The following SLC25A25 variants were observed in gnomAD, a reference collection of about 807,000 sequenced individuals.
SLC25A25 encodes mitochondrial adenyl nucleotide antiporter SLC25A25.
SLC25A25 carries 32 observed loss-of-function variants against 57.7 expected under a neutral mutation model. That is an observed-to-expected ratio of 0.55 (90% CI 0.42 to 0.74). The LOEUF is 0.74. Ranked by LOEUF, SLC25A25 falls within the 30% of genes least tolerant of loss-of-function variation. SLC25A25 has a pLI of 0.00. For synonymous variants in SLC25A25, 306 were observed against 291.2 expected (o/e 1.05, Z -0.52); for missense variants, 556 against 701.3 (o/e 0.79, Z 2.34).
At chr9:128,104,152 A>G (rs1209903120) in intron 6 of SLC25A25, among the ~76,000 whole-genome samples, 2 of 152,164 alleles carry the variant, frequency 1.3e-5, no homozygotes, top group Non-Finnish European at 2.9e-5. Context: ...GTTACCCCAC[A>G]CTGGGGCCAG....
intron 1 of SLC25A25, chr9:128,092,004 T>G (rs1230393760): frequency 1.9e-6 from 3 of 1,613,918 alleles, no homozygotes; most frequent in East Asian, 2.2e-5. Context: ...GCAAGCTTTT[T>G]GGGGAAACAG....
intron 1 of SLC25A25, chr9:128,091,250 CAG>C: frequency 5.3e-6 from 1 of 188,328 alleles, no homozygotes. Context: ...GGAGCCAGCT[CAG>C]AGTGGATTCT....
At chr9:128,106,577 G>A in intron 9 of SLC25A25, 57 bp downstream of exon 9, 1 of 1,519,194 alleles carries the variant, frequency 6.6e-7, no homozygotes, top group Non-Finnish European at 8.8e-7. Flanking sequence ...TCCACCTGCT[G>A]TCTCCCTCCT....
intron 1 of SLC25A25, among the ~76,000 whole-genome samples, chr9:128,074,529 T>A (rs1419420457): frequency 6.6e-6 from 1 of 150,912 alleles, no homozygotes; most frequent in Non-Finnish European, 1.5e-5. Flanking sequence ...GCCAACATGG[T>A]GAAACCCCAT....
chr9:128,074,342 GAGA>G (rs1435887767), intron 1 of SLC25A25, among the ~76,000 whole-genome samples: 3 of 79,230 alleles, frequency 3.8e-5, no homozygotes, highest in Admixed American at 1.4e-4. Flanking sequence ...ATGTCCAGCT[GAGA>G]AGATTTTTTT....
chr9:128,068,248 G>T lies in SLC25A25; in HGVS notation c.-72G>T, dbSNP rs1484227597. The T allele has an allele frequency of 5.6e-6, 5 of 892,480 alleles. No homozygotes were observed. The highest frequency in any genetic ancestry group is 7.1e-5 in the East Asian group (2 of 28,164). The allele number at this position is 892,480 out of a possible 1,614,324, so 55.3% of individuals were successfully genotyped here. ...CTCCCAGCTGCAGAGCGCCTGGCTTGCCTCCCGCGCGGTCACCGCCGGCCC... is the reference window on the plus strand; with the variant it reads ...CTCCCAGCTGCAGAGCGCCTGGCTTTCCTCCCGCGCGGTCACCGCCGGCCC... On this transcript the variant is annotated 5_prime_UTR_variant, in exon 1 of 11. Coordinates refer to ENST00000373069, the MANE Select transcript of SLC25A25 (RefSeq NM_001330988.2).
chr9:128,108,906 C>A lies in SLC25A25; in HGVS notation c.*1462C>A, dbSNP rs955676050. On this transcript the variant is annotated 3_prime_UTR_variant, in exon 11 of 11. Coordinates refer to ENST00000373069, the MANE Select transcript of SLC25A25 (RefSeq NM_001330988.2). The stretch of plus-strand genomic sequence containing the variant: ...GTTATTTCCTGCGCTGCGAGGGTTT[C>A]TTTATTTCACTCTTTTCTGAATGTC... 3.3e-5 allele frequency: 5 copies of A among 149,902 alleles called. No individual in the cohort carries two copies. The South Asian group carries it at 6.4e-4, about 19-fold the overall frequency. The allele number at this position is 149,902 out of a possible 1,614,324, so 9.3% of individuals were successfully genotyped here. A position where few individuals can be genotyped will look rare whatever the true frequency, so the allele number is the denominator to read the frequency against.
chr9:128,091,292 C>A, intron 1 of SLC25A25: 1 of 301,438 alleles, frequency 3.3e-6, no homozygotes, highest in Non-Finnish European at 4.9e-6. Flanking sequence ...GAGCTTGAGT[C>A]CGCACCTCCC....
At chr9:128,086,328 A>ATT (rs35134996) in intron 1 of SLC25A25, among the ~76,000 whole-genome samples, 3,425 of 95,392 alleles carry the variant, frequency 0.036, 200 homozygotes, top group African/African-American at 0.1. Context: ...TACTCGGCTA[A>ATT]TTTTTTTTTT....
At chr9:128,087,418 T>C (rs9775643) in intron 1 of SLC25A25, among the ~76,000 whole-genome samples, 112,781 of 151,898 alleles carry the variant, frequency 0.74, 43,692 homozygotes, top group Non-Finnish European at 0.85. Context: ...TGAGCCACCA[T>C]GCCTGGCCAG....
Position 128,068,533 on chromosome 9 carries a change from G to C in SLC25A25, c.214G>C (p.Val72Leu). The change falls in exon 1 of 11, where the codon GTG becomes CTG. Residue 72 changes from valine (V) to leucine (L), a missense_variant. This residue lies in a region of SLC25A25 where 248 missense variants were observed against 273.5 expected (regional missense o/e 0.91). Coordinates refer to ENST00000373069, the MANE Select transcript of SLC25A25 (RefSeq NM_001330988.2). ...CGGCCTGTGTGTCAACGACCTGGCG[G>C]TGGGGCTGCGGCGCCTGGGACTGCA... ...DGGLCVNDLA[V>L]GLRRLGLHRT... is the part of the protein sequence containing the mutation. 6.7e-7 allele frequency: 1 copy of C among 1,487,208 alleles called. No individual in the cohort carries two copies. Among genetic ancestry groups the C allele is most frequent in the Non-Finnish European group, 8.9e-7 (1 of 1,125,524 alleles). The allele number at this position is 1,487,208 out of a possible 1,614,324, so 92.1% of individuals were successfully genotyped here. A position where few individuals can be genotyped will look rare whatever the true frequency, so the allele number is the denominator to read the frequency against.
chr9:128,106,986 T>C (rs1006635654), intron 9 of SLC25A25, 43 bp from the exon 10 acceptor site: 1 of 1,590,198 alleles, frequency 6.3e-7, no homozygotes, highest in Non-Finnish European at 8.6e-7. Flanking sequence ...GCTGCCTCAC[T>C]AGCCCTTCCT....
At chr9:128,106,843 G>T (rs574553684) in intron 9 of SLC25A25, among the ~76,000 whole-genome samples, 186 bp from the exon 10 acceptor site, 4 of 152,276 alleles carry the variant, frequency 2.6e-5, no homozygotes, top group Admixed American at 2.6e-4. Flanking sequence ...GGGGAAGGAG[G>T]TGTTCCCTCT....
chr9:128,068,455 C>T lies in SLC25A25; in HGVS notation c.136C>T (p.His46Tyr). 2 of 1,556,592 alleles carry T rather than the reference C, an allele frequency of 1.3e-6. No homozygotes were observed. The highest frequency in any genetic ancestry group is 1.7e-6 in the Non-Finnish European group (2 of 1,161,944). ...CGGAICGGPDHRLRLWRLFQT... is the reference protein window; with the variant it reads ...CGGAICGGPDYRLRLWRLFQT... The stretch of plus-strand genomic sequence containing the variant: ...CGGCGCTATCTGCGGGGGCCCGGAC[C>T]ACCGGCTGCGCCTGTGGAGACTCTT... Residue 46 changes from histidine to tyrosine, a missense_variant, in exon 1 of 11, where the codon CAC becomes TAC. By Grantham distance (83) the His-to-Tyr change is moderately conservative. This residue lies in a region of SLC25A25 where 248 missense variants were observed against 273.5 expected (regional missense o/e 0.91). Transcript: ENST00000373069.
intron 1 of SLC25A25, among the ~76,000 whole-genome samples, chr9:128,071,567 ATT>A (rs369801313): frequency 7.3e-6 from 1 of 137,644 alleles, no homozygotes; most frequent in Non-Finnish European, 1.5e-5. Flanking sequence ...CGCCCTGCTA[ATT>A]TTTTTTTTTT....
At chr9:128,073,188 T>C (rs1223477314) in intron 1 of SLC25A25, among the ~76,000 whole-genome samples, 2 of 152,242 alleles carry the variant, frequency 1.3e-5, no homozygotes, top group African/African-American at 4.8e-5. Context: ...TGGAACCATC[T>C]TCTGATTCCT....
chr9:128,073,288 T>G (rs1350759558), intron 1 of SLC25A25, among the ~76,000 whole-genome samples: 1 of 152,124 alleles, frequency 6.6e-6, no homozygotes, highest in African/African-American at 2.4e-5. Context: ...GGAGGAGAGA[T>G]AATTTAGAAC....
At chr9:128,107,216 G>A (rs745990206) in intron 10 of SLC25A25, 37 bp downstream of exon 10, 2 of 1,612,888 alleles carry the variant, frequency 1.2e-6, no homozygotes, top group Non-Finnish European at 8.5e-7. Context: ...GGGAGGTCGG[G>A]GGGAGCGGAC....
chr9:128,104,668 G>C (rs1833941554), intron 6 of SLC25A25, among the ~76,000 whole-genome samples: 1 of 152,120 alleles, frequency 6.6e-6, no homozygotes, highest in African/African-American at 2.4e-5. Context: ...GCAGGCCTTG[G>C]GTGAAATCAA....
Sources: gnomAD v4.1 joint callset for allele counts (sites outside exome capture counted in the v4.1 genomes callset) on GRCh38, gnomAD v4.1.1 for gene constraint, gnomAD v4.1.1 regional missense constraint, MANE v1.5 for transcripts, NCBI Gene and HGNC (gene_info 2026-07-23, HGNC 2026-07-21) for gene names.